The following ADCY9 variants were observed in gnomAD, a reference collection of about 807,000 sequenced individuals.
The protein encoded by ADCY9 is adenylate cyclase 9, also known as adenylate cyclase type 9.
A neutral mutation model predicts 101.5 loss-of-function variants in ADCY9; 50 were observed. The ratio of observed to expected loss-of-function variants is 0.49; its 90% CI spans 0.39 to 0.62. The LOEUF (loss-of-function observed/expected upper bound fraction) is 0.62, where lower values mean the gene tolerates loss of function less well. Among genes scored for constraint, ADCY9 ranks in the 20% least tolerant of loss-of-function variants. The pLI, the probability that ADCY9 is intolerant of heterozygous loss-of-function variation, is 0.00. For synonymous variants in ADCY9, 905 were observed against 769.3 expected, an observed-to-expected ratio of 1.18 and a Z score of -2.92; for missense variants, 1,662 against 1,800.4, an observed-to-expected ratio of 0.92 and a Z score of 1.39.
chr16:3,994,261 C>T (rs985003578), intron 3 of ADCY9, among the ~76,000 whole-genome samples: 1 of 152,132 alleles, frequency 6.6e-6, no homozygotes, highest in Admixed American at 6.6e-5. Flanking sequence ...TCTTCCGGGA[C>T]CTTGATCTCG....
At chr16:4,052,873 C>G (rs1344768334) in intron 2 of ADCY9, among the ~76,000 whole-genome samples, 1 of 152,208 alleles carries the variant, frequency 6.6e-6, no homozygotes, top group Non-Finnish European at 1.5e-5. Flanking sequence ...ACGCATCTGA[C>G]AATGCCTTAA....
chr16:4,092,490 A>G (rs909866324), intron 2 of ADCY9, among the ~76,000 whole-genome samples: 1 of 152,208 alleles, frequency 6.6e-6, no homozygotes, highest in African/African-American at 2.4e-5. Context: ...TAGTTATAGA[A>G]TTGTTCATTA....
intron 2 of ADCY9, among the ~76,000 whole-genome samples, chr16:4,025,487 A>G (rs1416724777): frequency 6.6e-6 from 1 of 152,090 alleles, no homozygotes; most frequent in Non-Finnish European, 1.5e-5. Flanking sequence ...GTCAGTGACC[A>G]CACCAGGGAG....
chr16:4,082,386 A>C (rs948049080), intron 2 of ADCY9, among the ~76,000 whole-genome samples: 2 of 152,158 alleles, frequency 1.3e-5, no homozygotes, highest in Non-Finnish European at 2.9e-5. Context: ...CAAAAGAAAA[A>C]AAACAAACAA....
At chr16:4,040,642 A>T (rs2056620570) in intron 2 of ADCY9, among the ~76,000 whole-genome samples, 1 of 152,102 alleles carries the variant, frequency 6.6e-6, no homozygotes, top group Admixed American at 6.5e-5. Context: ...TTTTTAGTAG[A>T]GACGAGATTT....
chr16:3,983,761 CA>C (rs1192912467), intron 6 of ADCY9: 4 of 323,550 alleles, frequency 1.2e-5, no homozygotes, highest in South Asian at 5.0e-5. Context: ...TCCATCTCTA[CA>C]AAAAACTTTA....
chr16:4,039,295 A>G (rs900839501), intron 2 of ADCY9, among the ~76,000 whole-genome samples: 1 of 152,044 alleles, frequency 6.6e-6, no homozygotes, highest in Non-Finnish European at 1.5e-5. Context: ...ACACGCCCTC[A>G]TGCCGTTTCC....
intron 2 of ADCY9, among the ~76,000 whole-genome samples, chr16:4,063,157 C>T (rs2056782164): frequency 6.6e-6 from 1 of 152,064 alleles, no homozygotes; most frequent in African/African-American, 2.4e-5. Context: ...ATGTTCTCTA[C>T]CAAAATGAAA....
At position 3,964,240 on chromosome 16, in the gene ADCY9, C is replaced by T. The variant is rs1439200918; in HGVS notation, c.*1535G>A. Reference sequence around the variant, plus strand: ...CTGACAAGGAGTGCACCCTGGGCCTCATCAGCGTCCCGGGGTCCCCTGAAA... The same window carrying T: ...CTGACAAGGAGTGCACCCTGGGCCTTATCAGCGTCCCGGGGTCCCCTGAAA... On this transcript the variant is annotated 3_prime_UTR_variant, in exon 11 of 11. Coordinates refer to ENST00000294016, the MANE Select transcript of ADCY9 (RefSeq NM_001116.4). 6 of 152,302 alleles carry T rather than the reference C, an allele frequency of 3.9e-5. No homozygotes were observed. The highest frequency in any genetic ancestry group is 1.2e-4 in the African/African-American group (5 of 41,456). 9.4% of individuals were successfully genotyped at this position (152,302 alleles called of 1,614,324 possible).
At chr16:4,060,903 C>T (rs959485682) in intron 2 of ADCY9, among the ~76,000 whole-genome samples, 1 of 151,986 alleles carries the variant, frequency 6.6e-6, no homozygotes, top group Non-Finnish European at 1.5e-5. Context: ...TTGGACTTAA[C>T]AAAGATTTCA....
chr16:4,047,121 T>A (rs929064856), intron 2 of ADCY9, among the ~76,000 whole-genome samples: 2 of 152,056 alleles, frequency 1.3e-5, no homozygotes, highest in Non-Finnish European at 2.9e-5. Flanking sequence ...CTTCGTTTTT[T>A]AAAAAAAATG....
At position 3,983,177 on chromosome 16, in the gene ADCY9, C is replaced by G. The variant is rs939683036; in HGVS notation, c.2519+55G>C. 11 of 1,473,244 alleles carry G rather than the reference C, an allele frequency of 7.5e-6. No individual in the cohort carries two copies. The Admixed American group carries it at 2.3e-4, about 31-fold the overall frequency. The allele number at this position is 1,473,244 out of a possible 1,614,324, so 91.3% of individuals were successfully genotyped here. A position where few individuals can be genotyped will look rare whatever the true frequency, so the allele number is the denominator to read the frequency against. On this transcript the variant is annotated intron_variant, in intron 7 of 10. Coordinates refer to ENST00000294016, the MANE Select transcript of ADCY9 (RefSeq NM_001116.4). ...AACCGCTCAGCCATAAGCCATGGAGCCAGAAGAGGGAGCTAACGGCTCAGA... is the reference window on the plus strand; with the variant it reads ...AACCGCTCAGCCATAAGCCATGGAGGCAGAAGAGGGAGCTAACGGCTCAGA...
chr16:4,058,357 C>T (rs1217185233), intron 2 of ADCY9, among the ~76,000 whole-genome samples: 1 of 149,424 alleles, frequency 6.7e-6, no homozygotes, highest in African/African-American at 2.5e-5. Context: ...ACCAGCTACT[C>T]AGGAGGCTGA....
At chr16:4,062,812 C>T (rs1252165323) in intron 2 of ADCY9, among the ~76,000 whole-genome samples, 6 of 152,170 alleles carry the variant, frequency 3.9e-5, no homozygotes, top group Non-Finnish European at 8.8e-5. Flanking sequence ...AACATAAATA[C>T]ATAAGCACTT....
At chr16:3,988,598 T>TG (rs372091022) in intron 6 of ADCY9, among the ~76,000 whole-genome samples, 126 of 28,546 alleles carry the variant, frequency 4.4e-3, no homozygotes, top group African/African-American at 0.017. Flanking sequence ...CCATGGCAGG[T>TG]GGGGGGGGTT....
At chr16:4,065,858 C>T (rs989222453) in intron 2 of ADCY9, among the ~76,000 whole-genome samples, 2 of 152,320 alleles carry the variant, frequency 1.3e-5, no homozygotes, top group East Asian at 3.9e-4. Context: ...CGCCCACTGC[C>T]ACACCCGGCT....
intron 2 of ADCY9, among the ~76,000 whole-genome samples, chr16:4,024,633 G>A (rs1376154495): frequency 1.3e-5 from 2 of 152,062 alleles, no homozygotes; most frequent in South Asian, 2.1e-4. Context: ...GAGTAGAAGC[G>A]GGGGCTCACT....
At chr16:4,029,927 A>T (rs1377726842) in intron 2 of ADCY9, among the ~76,000 whole-genome samples, 1 of 152,158 alleles carries the variant, frequency 6.6e-6, no homozygotes, top group Non-Finnish European at 1.5e-5. Flanking sequence ...ATCACAAATG[A>T]AAATTACCAA....
At chr16:4,027,488 C>T (rs2056524056) in intron 2 of ADCY9, among the ~76,000 whole-genome samples, 1 of 152,150 alleles carries the variant, frequency 6.6e-6, no homozygotes, top group African/African-American at 2.4e-5. Flanking sequence ...CTAGGGAGGC[C>T]TCACAATCAT....
Sources: allele counts gnomAD v4.1 joint callset (sites outside exome capture counted in the v4.1 genomes callset), GRCh38; gene constraint gnomAD v4.1.1; transcripts MANE v1.5; gene names NCBI Gene and HGNC (gene_info 2026-07-23, HGNC 2026-07-21).